Variants in MAST3 observed in about 807,000 individuals in gnomAD.
The protein encoded by MAST3 is microtubule associated serine/threonine kinase 3, also known as microtubule-associated serine/threonine-protein kinase 3.
Under a neutral mutation model 127.0 loss-of-function variants are expected in MAST3, and 43 were observed. The ratio of observed to expected loss-of-function variants is 0.34; its 90% CI spans 0.27 to 0.44. The LOEUF (loss-of-function observed/expected upper bound fraction) is 0.44. MAST3 is among the 20% of genes least tolerant of loss of function. The probability of loss-of-function intolerance (pLI) is 1.00; values close to 1 mark genes in which losing one functional copy is unlikely to be tolerated. For missense variants in MAST3, 1,390 were observed against 1,919.1 expected, an observed-to-expected ratio of 0.72 and a Z score of 5.15; for synonymous variants, 785 against 809.2, an observed-to-expected ratio of 0.97 and a Z score of 0.51.
Position 18,149,807 on chromosome 19 carries a change from G to A in MAST3, c.*81G>A, listed in dbSNP as rs2043402803. 1.3e-6 allele frequency: 2 copies of A among 1,566,836 alleles called. No homozygotes were observed. Among genetic ancestry groups the A allele is most frequent in the African/African-American group, 1.4e-5 (1 of 73,656 alleles). On this transcript the variant is annotated 3_prime_UTR_variant, in exon 28 of 28. Transcript: ENST00000687212. The surrounding 1 kb of genome is among the most constrained non-coding windows in gnomAD (Gnocchi z 5.9). ...TTTTCCGTAAAGTCATGCCTGGATG[G>A]GGACTGAGCCACCAGCCTGACACCC...
rs879758353 is a variant in MAST3 at position 18,110,388 on chromosome 19, G to A, written c.72-264G>A. 1.0e-6 allele frequency: 1 copy of A among 985,558 alleles called. No homozygotes were observed. Among genetic ancestry groups the A allele is most frequent in the Non-Finnish European group, 1.2e-6 (1 of 830,002 alleles). 61.1% of individuals were successfully genotyped at this position (985,558 alleles called of 1,614,324 possible). ...TCGAGTGAGTGTTGGGCAGGGCGGG[G>A]GTATGCGGGGTGCAGGGAGGACAGG... On this transcript the variant is annotated intron_variant, in intron 2 of 27. Transcript: ENST00000687212. This position sits in a 1 kb window ranked among gnomAD's most constrained non-coding sequence, Gnocchi z 4.3.
intron 27 of MAST3, among the ~76,000 whole-genome samples, chr19:18,148,949 G>A (rs2043312962): frequency 1.3e-5 from 2 of 151,564 alleles, no homozygotes; most frequent in South Asian, 4.2e-4. Flanking sequence ...TGTTGTCCCA[G>A]CTACTCAGGA....
chr19:18,125,885 C>T (rs1206252412), intron 11 of MAST3, among the ~76,000 whole-genome samples: 1 of 151,538 alleles, frequency 6.6e-6, no homozygotes, highest in Admixed American at 6.6e-5. Flanking sequence ...TATGCAGAAA[C>T]TCCATCTCTA....
chr19:18,144,671 C>T lies in MAST3; in HGVS notation c.2790C>T (p.Ala930=), dbSNP rs1410920610. 1.9e-6 allele frequency: 3 copies of T among 1,609,614 alleles called. No homozygotes were observed. Among genetic ancestry groups the T allele is most frequent in the South Asian group, 2.2e-5 (2 of 91,090 alleles). Residue 930 remains alanine, a synonymous_variant, in exon 23 of 28, where the codon GCC becomes GCT. Coordinates refer to ENST00000687212, the MANE Select transcript of MAST3 (RefSeq NM_001393504.1). This position sits in a 1 kb window ranked among gnomAD's most constrained non-coding sequence, Gnocchi z 4.0. Reference sequence around the variant, plus strand: ...TGCCCAAGTCAGCCTCTGTCTCTGCCCTGTCCCTCATCATCACGGCAGGTA... The same window carrying T: ...TGCCCAAGTCAGCCTCTGTCTCTGCTCTGTCCCTCATCATCACGGCAGGTA... ...GRVPKSASVS[A]LSLIITADDG...
intron 1 of MAST3, among the ~76,000 whole-genome samples, chr19:18,102,430 C>T (rs940813560): frequency 6.6e-6 from 1 of 151,566 alleles, no homozygotes; most frequent in Non-Finnish European, 1.5e-5. Flanking sequence ...CTGCCTGCCT[C>T]AGCCTCCCAA....
intron 25 of MAST3, 86 bp from the exon 26 acceptor site, chr19:18,146,795 C>A: frequency 7.4e-7 from 1 of 1,343,922 alleles, no homozygotes; most frequent in Non-Finnish European, 1.0e-6. Flanking sequence ...AGCTGGTGCC[C>A]GGAGTGAAGG....
chr19:18,111,491 C>T (rs928971468), intron 3 of MAST3, among the ~76,000 whole-genome samples: 3 of 147,336 alleles, frequency 2.0e-5, no homozygotes, highest in African/African-American at 7.6e-5. Context: ...CAACCATTTA[C>T]ACTTTAGTAT....
intron 3 of MAST3, 106 bp from the exon 4 acceptor site, chr19:18,121,579 A>G: frequency 1.0e-6 from 1 of 991,196 alleles, no homozygotes; most frequent in Non-Finnish European, 1.6e-6. Flanking sequence ...CATGTCCAAC[A>G]TCCCATCCTT....
chr19:18,119,787 C>T (rs188725432), intron 3 of MAST3, among the ~76,000 whole-genome samples: 3 of 152,346 alleles, frequency 2.0e-5, no homozygotes, highest in Admixed American at 1.3e-4. Flanking sequence ...TCTCCCTGCC[C>T]ACCTTGTCAC....
rs1036316131 is a variant in MAST3 at position 18,150,459 on chromosome 19, T to C, written c.*733T>C. ...TGTTTTCCAGTTTTTCTGTACTTTT[T>C]AAGTGTTTTGTGTTACCTGGTCTCA... On this transcript the variant is annotated 3_prime_UTR_variant, in exon 28 of 28. Transcript: ENST00000687212. 6.6e-5 allele frequency: 10 copies of C among 152,280 alleles called. No individual in the cohort carries two copies. The highest frequency in any genetic ancestry group is 5.9e-4 in the Admixed American group (9 of 15,272). 9.4% of individuals were successfully genotyped at this position (152,280 alleles called of 1,614,324 possible).
In MAST3 at chr19:18,123,927, C is replaced by T. The variant is rs1367552452; in HGVS notation, c.634-12C>T. The T allele has an allele frequency of 1.1e-5, 17 of 1,549,308 alleles. No individual in the cohort carries two copies. Among genetic ancestry groups the T allele is most frequent in the East Asian group, 2.4e-5 (1 of 41,428 alleles). ...GCCCTCTGACCAGGTCGCCCCGTCTCGCCCCACCCAGGCCACAGCACAGAT... is the reference window on the plus strand; with the variant it reads ...GCCCTCTGACCAGGTCGCCCCGTCTTGCCCCACCCAGGCCACAGCACAGAT... On this transcript the variant is annotated splice_polypyrimidine_tract_variant and intron_variant, in intron 8 of 27. Coordinates refer to ENST00000687212, the MANE Select transcript of MAST3 (RefSeq NM_001393504.1).
intron 1 of MAST3, among the ~76,000 whole-genome samples, chr19:18,098,127 G>A (rs1054204832): frequency 1.3e-5 from 2 of 152,160 alleles, no homozygotes; most frequent in African/African-American, 4.8e-5. Flanking sequence ...AATAATGCTA[G>A]CAACAGCAGC....
chr19:18,150,902 T>G lies in MAST3; in HGVS notation c.*1176T>G, dbSNP rs888347491. The G allele has an allele frequency of 6.6e-6, 1 of 152,324 alleles. No individual in the cohort carries two copies. The highest frequency in any genetic ancestry group is 1.5e-5 in the Non-Finnish European group (1 of 68,120). The allele number at this position is 152,324 out of a possible 1,614,324, so 9.4% of individuals were successfully genotyped here. On this transcript the variant is annotated 3_prime_UTR_variant, in exon 28 of 28. Transcript: ENST00000687212. ...CTCGGGGCACGCTCCAGTATGCCAG[T>G]CCTGCGGGATTACGTCCAGCTACTT... is the stretch of plus-strand genomic sequence containing the variant.
At chr19:18,147,079 C>CT (rs1261271180) in intron 26 of MAST3, 35 bp downstream of exon 26, 3 of 1,123,386 alleles carry the variant, frequency 2.7e-6, no homozygotes, top group Non-Finnish European at 3.6e-6. Flanking sequence ...GACTGGGGTT[C>CT]TTTTTTTCTT....
At position 18,149,631 on chromosome 19, in the gene MAST3, G is replaced by C; in HGVS notation, c.3949G>C (p.Glu1317Gln). Residue 1317 changes from glutamate to glutamine, a missense_variant, in exon 28 of 28, where the codon GAG becomes CAG. By Grantham distance (29) the Glu-to-Gln change is conservative. Around this residue, in one of 5 missense-constraint regions of MAST3, gnomAD observed 816 missense variants for 934.1 expected, o/e 0.87. Coordinates refer to ENST00000687212, the MANE Select transcript of MAST3 (RefSeq NM_001393504.1). The surrounding 1 kb of genome is among the most constrained non-coding windows in gnomAD (Gnocchi z 5.9). ...VQEVSFDEPQEEATGLPTSVP... is the reference protein window; with the variant it reads ...VQEVSFDEPQQEATGLPTSVP... Reference sequence around the variant, plus strand: ...GGAGGTTAGCTTCGATGAGCCGCAGGAGGAGGCCACTGGGCTGCCCACCTC... The same window carrying C: ...GGAGGTTAGCTTCGATGAGCCGCAGCAGGAGGCCACTGGGCTGCCCACCTC... 6.2e-7 allele frequency: 1 copy of C among 1,613,292 alleles called. No homozygotes were observed. The highest frequency in any genetic ancestry group is 8.5e-7 in the Non-Finnish European group (1 of 1,179,886).
chr19:18,137,536 G>A (rs2042009375), intron 19 of MAST3, among the ~76,000 whole-genome samples, 175 bp downstream of exon 19: 1 of 152,180 alleles, frequency 6.6e-6, no homozygotes, highest in Non-Finnish European at 1.5e-5. Flanking sequence ...GCCGCCCCCT[G>A]GCTGGATTTC....
intron 6 of MAST3, among the ~76,000 whole-genome samples, chr19:18,122,976 A>G (rs1481830794): frequency 2.0e-5 from 3 of 152,194 alleles, no homozygotes; most frequent in Non-Finnish European, 4.4e-5. Context: ...TCCTCAGCCT[A>G]TGGGGTCAGG....
chr19:18,111,106 C>T (rs772597138), intron 3 of MAST3, among the ~76,000 whole-genome samples: 1 of 152,108 alleles, frequency 6.6e-6, no homozygotes, highest in Non-Finnish European at 1.5e-5. Context: ...CTAAAACACA[C>T]GCACACCCAA....
Position 18,144,994 on chromosome 19 carries a change from C to A in MAST3, c.2813-9C>A, listed in dbSNP as rs762083064. 20 of 1,409,900 alleles carry A rather than the reference C, an allele frequency of 1.4e-5. No individual in the cohort carries two copies. The Admixed American group carries it at 2.5e-4, about 18-fold the overall frequency. 87.3% of individuals were successfully genotyped at this position (1,409,900 alleles called of 1,614,324 possible). A position where few individuals can be genotyped will look rare whatever the true frequency, so the allele number is the denominator to read the frequency against. On this transcript the variant is annotated splice_polypyrimidine_tract_variant and intron_variant, in intron 23 of 27. Coordinates refer to ENST00000687212, the MANE Select transcript of MAST3 (RefSeq NM_001393504.1). This position sits in a 1 kb window ranked among gnomAD's most constrained non-coding sequence, Gnocchi z 4.0. The stretch of plus-strand genomic sequence containing the variant: ...GGGAGTGAGTGACCCCCTCCCTAAC[C>A]CCCTGCAGATGATGGCAGCGGCGGC...
Sources: gnomAD v4.1 joint callset for allele counts (sites outside exome capture counted in the v4.1 genomes callset) on GRCh38, gnomAD v4.1.1 for gene constraint, gnomAD v4.1.1 regional missense constraint, Gnocchi (gnomAD v3.1) non-coding constraint, MANE v1.5 for transcripts, NCBI Gene and HGNC (gene_info 2026-07-23, HGNC 2026-07-21) for gene names.